The following COMP variants were observed in gnomAD, a reference collection of about 807,000 sequenced individuals.
The protein encoded by COMP is cartilage oligomeric matrix protein.
A neutral mutation model predicts 95.8 loss-of-function variants in COMP; 79 were observed. The ratio of observed to expected loss-of-function variants is 0.82; its 90% CI spans 0.69 to 0.99. The LOEUF (loss-of-function observed/expected upper bound fraction) is 0.99, where lower values mean the gene tolerates loss of function less well. COMP is among the 50% of genes least tolerant of loss of function. The pLI, the probability that COMP is intolerant of heterozygous loss-of-function variation, is 0.00. For synonymous variants in COMP, 438 were observed against 433.9 expected, an observed-to-expected ratio of 1.01 and a Z score of -0.12; for missense variants, 906 against 1,076.1, an observed-to-expected ratio of 0.84 and a Z score of 2.21.
rs1462913682 is a variant in COMP, at chr19:18,785,349, A to G, written c.1717+149T>C. On this transcript the variant is annotated intron_variant, in intron 15 of 18. Coordinates refer to ENST00000222271, the MANE Select transcript of COMP (RefSeq NM_000095.3). Reference sequence around the variant, plus strand: ...GCGCCTTCTCCTCCCGGGCCCGCCCATATAACCCCGCCCCTCTGTCCCCGC... The same window carrying G: ...GCGCCTTCTCCTCCCGGGCCCGCCCGTATAACCCCGCCCCTCTGTCCCCGC... The G allele has an allele frequency of 1.5e-5, 3 of 205,758 alleles. No individual in the cohort carries two copies. In the East Asian group the frequency reaches 6.3e-4, roughly 44 times the overall value. 12.7% of individuals were successfully genotyped at this position (205,758 alleles called of 1,614,324 possible).
chr19:18,784,159 G>C lies in COMP; in HGVS notation c.2087+32C>G, dbSNP rs780612954. The C allele has an allele frequency of 1.1e-5, 18 of 1,611,674 alleles. No homozygotes were observed. In the African/African-American group the frequency reaches 2.4e-4, roughly 22 times the overall value. On this transcript the variant is annotated intron_variant, in intron 17 of 18. Transcript: ENST00000222271. This position sits in a 1 kb window ranked among gnomAD's most constrained non-coding sequence, Gnocchi z 4.9. ...TCCCACCTGGGCCTGTGTGTCCCCA[G>C]CCCAGCCCACCACAGAGGGTGGAGT...
chr19:18,786,029 G>T lies in COMP; in HGVS notation c.1425C>A (p.Asp475Glu). The T allele has an allele frequency of 6.2e-7, 1 of 1,613,576 alleles. No homozygotes were observed. The highest frequency in any genetic ancestry group is 1.1e-5 in the South Asian group (1 of 91,058). ...GDACDDDDDN[D>E]GVPDSRDNCR... ...AGTTGTCCCGACTGTCAGGGACTCCGTCATTGTCGTCGTCGTCGTCGCAGG... is the reference window on the plus strand; with the variant it reads ...AGTTGTCCCGACTGTCAGGGACTCCTTCATTGTCGTCGTCGTCGTCGCAGG... The change falls in exon 13 of 19, where the codon GAC (aspartate) becomes GAA (glutamate). Residue 475 changes from aspartate (D) to glutamate (E), a missense_variant. By Grantham distance (45) the Asp-to-Glu change is conservative. Transcript: ENST00000222271.
At position 18,783,191 on chromosome 19, in the gene COMP, A is replaced by G. The variant is rs764317174; in HGVS notation, c.2090T>C (p.Val697Ala). The change falls in exon 18 of 19, where the codon GTG becomes GCG. Residue 697 changes from valine to alanine, a missense_variant and splice_region_variant. Coordinates refer to ENST00000222271, the MANE Select transcript of COMP (RefSeq NM_000095.3). ...QHRPQVGYIR[V>A]RFYEGPELVA... Reference sequence around the variant, plus strand: ...CAGCTCAGGGCCCTCATAGAATCGCACCCTGAGGGTCAGACATGGTGAGGC... The same window carrying G: ...CAGCTCAGGGCCCTCATAGAATCGCGCCCTGAGGGTCAGACATGGTGAGGC... 1.6e-5 allele frequency: 26 copies of G among 1,607,276 alleles called. No homozygotes were observed. Among genetic ancestry groups the G allele is most frequent in the Non-Finnish European group, 2.0e-5 (24 of 1,179,942 alleles).
At position 18,788,627 on chromosome 19, in the gene COMP, A is replaced by C; in HGVS notation, c.727T>G (p.Cys243Gly). 3 of 1,548,876 alleles carry C rather than the reference A, an allele frequency of 1.9e-6. No individual in the cohort carries two copies. Among genetic ancestry groups the C allele is most frequent in the Non-Finnish European group, 2.6e-6 (3 of 1,147,006 alleles). The change falls in exon 7 of 19, where the codon TGC becomes GGC. Residue 243 changes from cysteine to glycine, a missense_variant. Cys to Gly is a radical substitution (Grantham distance 159). Transcript: ENST00000222271. The surrounding 1 kb of genome is among the most constrained non-coding windows in gnomAD (Gnocchi z 4.7). ...SPSECHEHAD[C>G]VLERDGSRSC... is the part of the protein sequence containing the mutation. ...CGCGAGCCATCGCGCTCTAGGACGC[A>C]GTCTGCATGCTCGTGGCACTCGCTG...
chr19:18,787,837 T>C (rs1011796032), intron 9 of COMP, among the ~76,000 whole-genome samples, 187 bp from the exon 10 acceptor site: 17 of 139,096 alleles, frequency 1.2e-4, no homozygotes, highest in African/African-American at 4.2e-4. Flanking sequence ...CTCACAGCTC[T>C]GTCTTTTCTT....
rs2055147752 is a variant in COMP, at chr19:18,784,185, C to G, written c.2087+6G>C. 6.2e-7 allele frequency: 1 copy of G among 1,613,076 alleles called. No homozygotes were observed. Among genetic ancestry groups the G allele is most frequent in the African/African-American group, 1.3e-5 (1 of 74,918 alleles). Reference sequence around the variant, plus strand: ...CCCAGCCCACCACAGAGGGTGGAGTCCCCACCTGATGTAGCCCACTTGGGG... The same window carrying G: ...CCCAGCCCACCACAGAGGGTGGAGTGCCCACCTGATGTAGCCCACTTGGGG... On this transcript the variant is annotated splice_donor_region_variant and intron_variant, in intron 17 of 18. Coordinates refer to ENST00000222271, the MANE Select transcript of COMP (RefSeq NM_000095.3). This position sits in a 1 kb window ranked among gnomAD's most constrained non-coding sequence, Gnocchi z 4.9.
rs2055189636 is a variant in COMP at position 18,788,829 on chromosome 19, C to T, written c.603+10G>A. ...CCCGCGATCCTTTCTTCCTCCCCAG[C>T]GGGCCTTACCCGGGTGTTGATGCAC... is the stretch of plus-strand genomic sequence containing the variant. On this transcript the variant is annotated intron_variant, in intron 6 of 18. Coordinates refer to ENST00000222271, the MANE Select transcript of COMP (RefSeq NM_000095.3). This position sits in a 1 kb window ranked among gnomAD's most constrained non-coding sequence, Gnocchi z 4.7. The T allele has an allele frequency of 6.2e-7, 1 of 1,613,692 alleles. No individual in the cohort carries two copies.
intron 9 of COMP, 61 bp from the exon 10 acceptor site, chr19:18,787,711 A>G (rs2055177620): frequency 8.1e-6 from 13 of 1,602,048 alleles, no homozygotes; most frequent in South Asian, 1.1e-5. Flanking sequence ...CACACTCCTC[A>G]GATTCCCAAA....
rs1433168797 is a variant in COMP, at chr19:18,784,992, G to GC, written c.1817dup (p.Ser606ArgfsTer96). ...TCCACATGACCACGTAGAAGCTGGA[G>GC]CTGTCCTGGTAGCCAAAGATGAAGC... On this transcript the variant is annotated frameshift_variant, in exon 16 of 19. Coordinates refer to ENST00000222271, the MANE Select transcript of COMP (RefSeq NM_000095.3). LOFTEE classifies it high-confidence loss of function. The surrounding 1 kb of genome is among the most constrained non-coding windows in gnomAD (Gnocchi z 4.9). The GC allele has an allele frequency of 6.2e-7, 1 of 1,614,120 alleles. No homozygotes were observed. The highest frequency in any genetic ancestry group is 8.5e-7 in the Non-Finnish European group (1 of 1,180,004).
rs1163076992 is a variant in COMP at position 18,788,394 on chromosome 19, C to A, written c.867+16G>T. Reference sequence around the variant, plus strand: ...CTCCCTCCTGCCCAAGCCCGCCCCGCTCCGCCCCCACCCACCTTACGGCAC... The same window carrying A: ...CTCCCTCCTGCCCAAGCCCGCCCCGATCCGCCCCCACCCACCTTACGGCAC... On this transcript the variant is annotated intron_variant, in intron 8 of 18. Transcript: ENST00000222271. This position sits in a 1 kb window ranked among gnomAD's most constrained non-coding sequence, Gnocchi z 4.7. 6.4e-7 allele frequency: 1 copy of A among 1,559,180 alleles called. No individual in the cohort carries two copies. The highest frequency in any genetic ancestry group is 1.7e-5 in the Admixed American group (1 of 59,544).
chr19:18,784,292 G>A lies in COMP; in HGVS notation c.1986C>T (p.Ser662=), dbSNP rs773284930. 3.7e-6 allele frequency: 6 copies of A among 1,614,092 alleles called. No homozygotes were observed. Among genetic ancestry groups the A allele is most frequent in the Non-Finnish European group, 4.2e-6 (5 of 1,180,034 alleles). The change falls in exon 17 of 19, where the codon TCC becomes TCT. Residue 662 remains serine, a synonymous_variant. Transcript: ENST00000222271. The surrounding 1 kb of genome is among the most constrained non-coding windows in gnomAD (Gnocchi z 4.9). ...GGTCCTTCCACAGCAGCCGCACCTG[G>A]GACTCTGTGTCTCCTGTATGCCACA... ...NALWHTGDTE[S]QVRLLWKDPR...
In COMP at chr19:18,788,759, G is replaced by A; in HGVS notation, c.604-9C>T. The stretch of plus-strand genomic sequence containing the variant: ...CCGCACTGGAAGGAGCCCTGCGCCG[G>A]AGCCGCCGGAGGTCAGCGCAGGCCG... On this transcript the variant is annotated splice_polypyrimidine_tract_variant and intron_variant, in intron 6 of 18. Transcript: ENST00000222271. The surrounding 1 kb of genome is among the most constrained non-coding windows in gnomAD (Gnocchi z 4.7). 4 of 1,586,236 alleles carry A rather than the reference G, an allele frequency of 2.5e-6. No homozygotes were observed. The highest frequency in any genetic ancestry group is 3.4e-6 in the Non-Finnish European group (4 of 1,166,130).
intron 10 of COMP, 56 bp from the exon 11 acceptor site, chr19:18,786,706 C>A: frequency 8.0e-7 from 1 of 1,244,026 alleles, no homozygotes; most frequent in Non-Finnish European, 1.1e-6. Context: ...AGAATGACTT[C>A]ATTAGGATGA....
rs2055185305 is a variant in COMP at position 18,788,372 on chromosome 19, C to T, written c.867+38G>A. ...GGCGCGGTCATGAAGTCCCGCCCTC[C>T]CTCCTGCCCAAGCCCGCCCCGCTCC... On this transcript the variant is annotated intron_variant, in intron 8 of 18. Transcript: ENST00000222271. This position sits in a 1 kb window ranked among gnomAD's most constrained non-coding sequence, Gnocchi z 4.7. The T allele has an allele frequency of 6.2e-7, 1 of 1,603,282 alleles. No homozygotes were observed. The highest frequency in any genetic ancestry group is 8.5e-7 in the Non-Finnish European group (1 of 1,175,580).
rs1313845412 is a variant in COMP, at chr19:18,783,091, C to G, written c.2190G>C (p.Glu730Asp). ...GRLGVFCFSQ[E>D]NIIWANLRYR... ...AACGCAGGTTGGCCCAGATGATGTT[C>G]TCCTGGGAGAAGCAGAAGACCCCCA... Residue 730 changes from glutamate to aspartate, a missense_variant, in exon 18 of 19, where the codon GAG (glutamate) becomes GAC (aspartate). Coordinates refer to ENST00000222271, the MANE Select transcript of COMP (RefSeq NM_000095.3). 1.2e-6 allele frequency: 2 copies of G among 1,612,194 alleles called. No individual in the cohort carries two copies. Among genetic ancestry groups the G allele is most frequent in the Non-Finnish European group, 1.7e-6 (2 of 1,179,978 alleles).
In COMP at chr19:18,784,466, CA is replaced by C; in HGVS notation, c.1915-104del. 1 of 1,383,960 alleles carries C rather than the reference CA, an allele frequency of 7.2e-7. No homozygotes were observed. Among genetic ancestry groups the C allele is most frequent in the East Asian group, 2.4e-5 (1 of 41,664 alleles). The allele number at this position is 1,383,960 out of a possible 1,614,324, so 85.7% of individuals were successfully genotyped here. On this transcript the variant is annotated intron_variant, in intron 16 of 18. Coordinates refer to ENST00000222271, the MANE Select transcript of COMP (RefSeq NM_000095.3). The surrounding 1 kb of genome is among the most constrained non-coding windows in gnomAD (Gnocchi z 4.9). The stretch of plus-strand genomic sequence containing the variant: ...TTGGGAGCAGCAGGTGGTGGGCGGC[CA>C]GGGGGATCCGGATGAGAGACCCACA...
In COMP at chr19:18,782,885, C is replaced by T; in HGVS notation, c.*30G>A. 3.7e-6 allele frequency: 6 copies of T among 1,608,788 alleles called. No individual in the cohort carries two copies. The highest frequency in any genetic ancestry group is 5.1e-6 in the Non-Finnish European group (6 of 1,179,706). ...CCCCATCCAGCCGCGGTGAGGGTGGCTGTCATCCGGCGGGTCCTCACCCTG... is the reference window on the plus strand; with the variant it reads ...CCCCATCCAGCCGCGGTGAGGGTGGTTGTCATCCGGCGGGTCCTCACCCTG... On this transcript the variant is annotated 3_prime_UTR_variant, in exon 19 of 19. Coordinates refer to ENST00000222271, the MANE Select transcript of COMP (RefSeq NM_000095.3).
Position 18,784,189 on chromosome 19 carries a change from A to G in COMP, c.2087+2T>C. On this transcript the variant is annotated splice_donor_variant, in intron 17 of 18. Transcript: ENST00000222271. LOFTEE classifies it high-confidence loss of function. The surrounding 1 kb of genome is among the most constrained non-coding windows in gnomAD (Gnocchi z 4.9). ...GCCCACCACAGAGGGTGGAGTCCCC[A>G]CCTGATGTAGCCCACTTGGGGCCGG... is the stretch of plus-strand genomic sequence containing the variant. 2 of 1,613,276 alleles carry G rather than the reference A, an allele frequency of 1.2e-6. No homozygotes were observed. The highest frequency in any genetic ancestry group is 1.7e-6 in the Non-Finnish European group (2 of 1,180,004).
chr19:18,787,769 AC>A, intron 9 of COMP, 119 bp from the exon 10 acceptor site: 1 of 1,353,210 alleles, frequency 7.4e-7, no homozygotes, highest in Non-Finnish European at 1.0e-6. Flanking sequence ...CCCCTCCTAG[AC>A]CACGGAGGCC....
Sources: gnomAD v4.1 joint callset for allele counts (sites outside exome capture counted in the v4.1 genomes callset) on GRCh38, gnomAD v4.1.1 for gene constraint, Gnocchi (gnomAD v3.1) non-coding constraint, MANE v1.5 for transcripts, NCBI Gene and HGNC (gene_info 2026-07-23, HGNC 2026-07-21) for gene names.